The following COL19A1 variants were observed in gnomAD, a reference collection of about 807,000 sequenced individuals.
The protein encoded by COL19A1 is collagen alpha-1(XIX) chain.
A neutral mutation model predicts 190.2 loss-of-function variants in COL19A1; 159 were observed. The ratio of observed to expected loss-of-function variants is 0.84; its 90% CI spans 0.73 to 0.95. COL19A1 has a LOEUF of 0.95. COL19A1 is among the 40% of genes least tolerant of loss of function. The pLI, the probability that COL19A1 is intolerant of heterozygous loss-of-function variation, is 0.00. For missense variants in COL19A1, 1,418 were observed against 1,431.9 expected, an observed-to-expected ratio of 0.99 and a Z score of 0.16; for synonymous variants, 509 against 458.9, an observed-to-expected ratio of 1.11 and a Z score of -1.39.
chr6:70,058,903 A>T (rs376642646), intron 14 of COL19A1, among the ~76,000 whole-genome samples: 33 of 152,152 alleles, frequency 2.2e-4, no homozygotes, highest in African/African-American at 7.9e-4. Flanking sequence ...TTCTTTTATA[A>T]AACTCATTTC....
intron 4 of COL19A1, among the ~76,000 whole-genome samples, chr6:69,920,912 C>A (rs1418654047): frequency 8.1e-5 from 8 of 99,370 alleles, no homozygotes; most frequent in Non-Finnish European, 1.5e-4. Flanking sequence ...ATATATTCAT[C>A]TATATATTCA....
At chr6:69,917,756 A>G (rs759309422) in intron 4 of COL19A1, among the ~76,000 whole-genome samples, 5 of 152,076 alleles carry the variant, frequency 3.3e-5, no homozygotes, top group Non-Finnish European at 1.5e-5. Context: ...TCCCTGAGCC[A>G]CTTTGGAAGA....
At chr6:69,993,062 G>T (rs9454934) in intron 11 of COL19A1, among the ~76,000 whole-genome samples, 2,666 of 152,144 alleles carry the variant, frequency 0.018, 80 homozygotes, top group African/African-American at 0.061. Context: ...TCCAGCTTTT[G>T]CCCATTCGGT....
rs575332543 is a variant in COL19A1, at chr6:70,180,218, G to A, written c.2668-94G>A. On this transcript the variant is annotated intron_variant, in intron 42 of 50. Coordinates refer to ENST00000620364, the MANE Select transcript of COL19A1 (RefSeq NM_001858.6). Reference sequence around the variant, plus strand: ...CCACTGGAGAGCATCACCCTTGGGAGCACTATAAACTCAATTGGGGTTGGG... The same window carrying A: ...CCACTGGAGAGCATCACCCTTGGGAACACTATAAACTCAATTGGGGTTGGG... 139 of 1,392,910 alleles carry A rather than the reference G, an allele frequency of 1.0e-4. 1 individual carries two copies. The South Asian group carries it at 1.6e-3, about 16-fold the overall frequency. 86.3% of individuals were successfully genotyped at this position (1,392,910 alleles called of 1,614,324 possible). A position where few individuals can be genotyped will look rare whatever the true frequency, so the allele number is the denominator to read the frequency against.
chr6:70,027,098 A>G (rs1168676952), intron 12 of COL19A1, among the ~76,000 whole-genome samples: 2 of 152,320 alleles, frequency 1.3e-5, no homozygotes, highest in East Asian at 3.9e-4. Context: ...TGGAAATCAT[A>G]ACTTCAGAAA....
At chr6:69,970,726 G>C (rs188952201) in intron 11 of COL19A1, among the ~76,000 whole-genome samples, 1 of 152,110 alleles carries the variant, frequency 6.6e-6, no homozygotes, top group East Asian at 1.9e-4. Flanking sequence ...GAACATCAGC[G>C]TGTTATACAA....
At chr6:70,181,937 G>A (rs564982416) in intron 44 of COL19A1, among the ~76,000 whole-genome samples, 24 of 152,246 alleles carry the variant, frequency 1.6e-4, no homozygotes, top group Admixed American at 1.2e-3. Flanking sequence ...GGAAAGATAC[G>A]GAGGGAGATG....
chr6:69,896,117 C>T (rs1769718846), intron 2 of COL19A1, among the ~76,000 whole-genome samples: 1 of 151,996 alleles, frequency 6.6e-6, no homozygotes, highest in African/African-American at 2.4e-5. Context: ...TCCACATCCT[C>T]ATCAACGCTT....
At chr6:69,948,099 G>T (rs1773925404) in intron 9 of COL19A1, among the ~76,000 whole-genome samples, 1 of 151,772 alleles carries the variant, frequency 6.6e-6, no homozygotes, top group South Asian at 2.1e-4. Flanking sequence ...AATTTACCTT[G>T]TACCCTTATT....
chr6:69,958,357 A>G (rs1210043847), intron 9 of COL19A1, among the ~76,000 whole-genome samples: 1 of 152,196 alleles, frequency 6.6e-6, no homozygotes, highest in Non-Finnish European at 1.5e-5. Flanking sequence ...GGATCAACTG[A>G]TGAAAATAAT....
chr6:69,868,635 G>T (rs1395549716), intron 1 of COL19A1, among the ~76,000 whole-genome samples: 1 of 152,050 alleles, frequency 6.6e-6, no homozygotes, highest in East Asian at 1.9e-4. Context: ...AAATGGACAG[G>T]ACTAAGAAAG....
At chr6:69,943,601 A>T (rs1469832396) in intron 9 of COL19A1, among the ~76,000 whole-genome samples, 1 of 152,090 alleles carries the variant, frequency 6.6e-6, no homozygotes, top group African/African-American at 2.4e-5. Context: ...AGAGATAAGG[A>T]TCTAGTTTAT....
At chr6:70,031,450 C>A (rs1224431094) in intron 12 of COL19A1, among the ~76,000 whole-genome samples, 1 of 151,912 alleles carries the variant, frequency 6.6e-6, no homozygotes, top group South Asian at 2.1e-4. Flanking sequence ...TCTTTTCATC[C>A]TCCCTTGCCC....
chr6:69,992,831 T>A (rs1279021836), intron 11 of COL19A1, among the ~76,000 whole-genome samples: 1 of 152,132 alleles, frequency 6.6e-6, no homozygotes, highest in Non-Finnish European at 1.5e-5. Flanking sequence ...CTGAAGTTGT[T>A]TCTGAGATCT....
intron 41 of COL19A1, among the ~76,000 whole-genome samples, chr6:70,174,383 C>T (rs781457638): frequency 1.3e-5 from 2 of 152,110 alleles, no homozygotes; most frequent in African/African-American, 2.4e-5. Flanking sequence ...GCCTGGCCAA[C>T]GTGGTGACAC....
intron 11 of COL19A1, among the ~76,000 whole-genome samples, chr6:69,991,220 G>C (rs377396213): frequency 6.6e-5 from 10 of 152,178 alleles, no homozygotes; most frequent in African/African-American, 2.4e-4. Context: ...CAAAGGGCAT[G>C]ATCTCATTCT....
Position 69,921,434 on chromosome 6 carries a change from A to ATTCATATATTCATATATAT in COL19A1, c.267-6474_267-6473insTCATATATTCATATATATT, listed in dbSNP as rs1333527522. ...ATCATATATCATATATATCATATAT[A>ATTCATATATTCATATATAT]TCATATATATCATATATCATATATA... On this transcript the variant is annotated intron_variant, in intron 4 of 50. Transcript: ENST00000620364. 1.9e-4 allele frequency among the ~76,000 whole-genome samples: 15 copies of ATTCATATATTCATATATAT among 78,490 alleles called. 2 individuals carry two copies. Among genetic ancestry groups the ATTCATATATTCATATATAT allele is most frequent in the Non-Finnish European group, 2.3e-4 (10 of 43,558 alleles). The allele number at this position is 78,490 out of a possible 152,430, so 51.5% of individuals were successfully genotyped here.
chr6:69,871,583 T>G (rs887160784), intron 1 of COL19A1, among the ~76,000 whole-genome samples: 2 of 152,174 alleles, frequency 1.3e-5, no homozygotes, highest in African/African-American at 2.4e-5. Flanking sequence ...TTCCTCCTCT[T>G]TCTCTCTTTT....
chr6:70,170,754 T>A (rs1272782362), intron 40 of COL19A1, among the ~76,000 whole-genome samples: 2 of 152,148 alleles, frequency 1.3e-5, no homozygotes, highest in Non-Finnish European at 2.9e-5. Flanking sequence ...AAAAGATTTC[T>A]GAAACATAGA....
Sources: gnomAD v4.1 joint callset for allele counts (sites outside exome capture counted in the v4.1 genomes callset) on GRCh38, gnomAD v4.1.1 for gene constraint, MANE v1.5 for transcripts, NCBI Gene and HGNC (gene_info 2026-07-23, HGNC 2026-07-21) for gene names.